AGBL1: variants seen among roughly 807,000 people sequenced by gnomAD.
AGBL1 encodes the protein cytosolic carboxypeptidase 4.
In AGBL1, 130 loss-of-function variants were observed where a neutral mutation model predicts 118.9. That is an observed-to-expected ratio of 1.09 (90% CI 0.95 to 1.26). The LOEUF (loss-of-function observed/expected upper bound fraction) is 1.26. Among genes scored for constraint, AGBL1 ranks in the 50% most tolerant of loss-of-function variants. The probability of loss-of-function intolerance (pLI) is 0.00; values close to 1 mark genes in which losing one functional copy is unlikely to be tolerated. For synonymous variants in AGBL1, 555 were observed against 478.9 expected (o/e 1.16, Z -2.08); for missense variants, 1,584 against 1,298.1 (o/e 1.22, Z -3.38).
At chr15:86,202,328 G>T (rs890629554) in intron 5 of AGBL1, among the ~76,000 whole-genome samples, 7 of 152,038 alleles carry the variant, frequency 4.6e-5, no homozygotes, top group African/African-American at 1.7e-4. Flanking sequence ...CCTGTGTTAG[G>T]CACAGGAGGA....
At chr15:86,348,449 T>C (rs1444096611) in intron 17 of AGBL1, among the ~76,000 whole-genome samples, 1 of 152,166 alleles carries the variant, frequency 6.6e-6, no homozygotes, top group Non-Finnish European at 1.5e-5. Flanking sequence ...TTTGGCAATG[T>C]CTGGAGACAC....
chr15:86,715,194 G>T (rs188998398), intron 22 of AGBL1, among the ~76,000 whole-genome samples: 2 of 152,316 alleles, frequency 1.3e-5, no homozygotes, highest in East Asian at 3.9e-4. Flanking sequence ...TAGGTCTGAA[G>T]TCAGAGAATG....
chr15:86,681,976 G>C (rs1430214277), intron 22 of AGBL1, among the ~76,000 whole-genome samples: 1 of 152,182 alleles, frequency 6.6e-6, no homozygotes. Context: ...AGTCTTAGTA[G>C]AATCTTCAGT....
chr15:86,141,962 C>G, intron 1 of AGBL1, 42 bp from the exon 2 acceptor site: 1 of 1,537,896 alleles, frequency 6.5e-7, no homozygotes, highest in Non-Finnish European at 8.8e-7. Flanking sequence ...CAACTCCTTC[C>G]TCTTGCATTC....
chr15:86,856,945 C>G (rs571827192), intron 22 of AGBL1, among the ~76,000 whole-genome samples: 6 of 152,096 alleles, frequency 3.9e-5, no homozygotes, highest in Non-Finnish European at 8.8e-5. Context: ...AGTTTTGTCC[C>G]GAAGTCCCAT....
At position 86,768,856 on chromosome 15, in the gene AGBL1, T is replaced by C. The variant is rs138107169; in HGVS notation, c.3158+94420T>C. Among the ~76,000 whole-genome samples, 366 of 152,080 alleles carry C rather than the reference T, an allele frequency of 2.4e-3. 4 individuals carry two copies. Among genetic ancestry groups the C allele is most frequent in the African/African-American group, 8.4e-3 (349 of 41,516 alleles). On this transcript the variant is annotated intron_variant, in intron 22 of 22. Coordinates refer to ENST00000614907, the MANE Select transcript of AGBL1 (RefSeq NM_001386094.1). ...AGGGCTTACAGGAATCTCTGAAATA[T>C]AATAGGTACCCTTTAAAAATAATCT...
intron 6 of AGBL1, among the ~76,000 whole-genome samples, chr15:86,234,302 C>T (rs1567144313): frequency 6.6e-6 from 1 of 151,980 alleles, no homozygotes; most frequent in African/African-American, 2.4e-5. Context: ...CCTCTAATCC[C>T]AGCACTTTGG....
intron 22 of AGBL1, among the ~76,000 whole-genome samples, chr15:86,840,768 A>G (rs1241199810): frequency 6.6e-6 from 1 of 152,032 alleles, no homozygotes; most frequent in Non-Finnish European, 1.5e-5. Context: ...TTAGACAGGT[A>G]TATTATTTTA....
rs566492628 is a variant in AGBL1, at chr15:86,254,570, A to G, written c.736-2283A>G. On this transcript the variant is annotated intron_variant, in intron 7 of 22. Transcript: ENST00000614907. Reference sequence around the variant, plus strand: ...ATTGAATGCATTCTCATATTTCATCATCCCTTCCAAGTAGCAGATGTGTTA... The same window carrying G: ...ATTGAATGCATTCTCATATTTCATCGTCCCTTCCAAGTAGCAGATGTGTTA... Among the ~76,000 whole-genome samples the G allele has an allele frequency of 2.1e-4, 32 of 152,348 alleles. No homozygotes were observed. In the South Asian group the frequency reaches 6.2e-3, roughly 30 times the overall value.
chr15:86,191,915 A>C (rs535402503), intron 5 of AGBL1, among the ~76,000 whole-genome samples: 87 of 148,808 alleles, frequency 5.8e-4, no homozygotes, highest in African/African-American at 2.1e-3. Flanking sequence ...AAAAAAAAAA[A>C]AACAAAAAAA....
At chr15:86,153,964 T>C (rs888373750) in intron 3 of AGBL1, among the ~76,000 whole-genome samples, 1 of 152,174 alleles carries the variant, frequency 6.6e-6, no homozygotes, top group African/African-American at 2.4e-5. Context: ...TAAAAATACG[T>C]GTGTAATTTA....
intron 19 of AGBL1, among the ~76,000 whole-genome samples, chr15:86,539,074 A>T (rs2083460778): frequency 7.8e-6 from 1 of 127,594 alleles, no homozygotes; most frequent in Non-Finnish European, 1.7e-5. Flanking sequence ...TCCTAGGAAG[A>T]TGCATAATCC....
At chr15:86,418,537 G>A (rs529175064) in intron 18 of AGBL1, among the ~76,000 whole-genome samples, 2 of 152,278 alleles carry the variant, frequency 1.3e-5, no homozygotes, top group African/African-American at 4.8e-5. Flanking sequence ...ATATGCTCCA[G>A]AATTTTGCTG....
chr15:87,003,944 G>A (rs574669541), intron 24 of AGBL1, among the ~76,000 whole-genome samples: 2 of 152,118 alleles, frequency 1.3e-5, no homozygotes, highest in African/African-American at 4.8e-5. Context: ...TTTTTGAAGG[G>A]TTTTTTGTGT....
chr15:86,315,996 G>C (rs1268927105), intron 17 of AGBL1, among the ~76,000 whole-genome samples: 1 of 152,178 alleles, frequency 6.6e-6, no homozygotes, highest in Non-Finnish European at 1.5e-5. Context: ...CAACAAGTTA[G>C]AGACAGCTTT....
intron 22 of AGBL1, among the ~76,000 whole-genome samples, chr15:86,808,831 C>G (rs2078752179): frequency 6.6e-6 from 1 of 151,420 alleles, no homozygotes; most frequent in South Asian, 2.1e-4. Context: ...TTCTTCTTGA[C>G]TTCAATTTTA....
At position 86,150,713 on chromosome 15, in the gene AGBL1, C is replaced by T. The variant is rs142167189; in HGVS notation, c.263-3717C>T. ...GATACAAAGAGGAGCTTGTACCATT[C>T]GTTCTGAAACTATTCCAATCAATAC... is the stretch of plus-strand genomic sequence containing the variant. On this transcript the variant is annotated intron_variant, in intron 3 of 22. Coordinates refer to ENST00000614907, the MANE Select transcript of AGBL1 (RefSeq NM_001386094.1). 6.6e-5 allele frequency among the ~76,000 whole-genome samples: 10 copies of T among 152,314 alleles called. No individual in the cohort carries two copies. The East Asian group carries it at 7.7e-4, about 12-fold the overall frequency.
chr15:86,430,393 G>T (rs1395794745), intron 18 of AGBL1, among the ~76,000 whole-genome samples: 2 of 151,756 alleles, frequency 1.3e-5, no homozygotes, highest in Non-Finnish European at 2.9e-5. Flanking sequence ...TACTCAGGAG[G>T]CTGAGGCAGT....
At chr15:86,554,258 T>C (rs1567054558) in intron 20 of AGBL1, 103 bp from the exon 21 acceptor site, 2 of 987,856 alleles carry the variant, frequency 2.0e-6, no homozygotes, top group East Asian at 5.9e-5. Context: ...AAGTAACGAG[T>C]ATTTTATATA....
Sources: allele counts gnomAD v4.1 joint callset (sites outside exome capture counted in the v4.1 genomes callset), GRCh38; gene constraint gnomAD v4.1.1; transcripts MANE v1.5; gene names NCBI Gene and HGNC (gene_info 2026-07-23, HGNC 2026-07-21).